The following DLC1 variants were observed in gnomAD, a reference collection of about 807,000 sequenced individuals.
DLC1 encodes DLC1 Rho GTPase activating protein.
DLC1 carries 54 observed loss-of-function variants against 140.3 expected under a neutral mutation model. That is an observed-to-expected ratio of 0.38 (90% CI 0.31 to 0.48). The LOEUF (loss-of-function observed/expected upper bound fraction) is 0.48, where lower values mean the gene tolerates loss of function less well. Among genes scored for constraint, DLC1 ranks in the 20% least tolerant of loss-of-function variants. The probability of loss-of-function intolerance (pLI) is 0.96; values close to 1 mark genes in which losing one functional copy is unlikely to be tolerated. For missense variants in DLC1, 2,536 were observed against 1,907.0 expected, an observed-to-expected ratio of 1.33 and a Z score of -6.14; for synonymous variants, 986 against 728.1, an observed-to-expected ratio of 1.35 and a Z score of -5.70.
At chr8:13,306,604 C>G (rs531078961) in intron 4 of DLC1, among the ~76,000 whole-genome samples, 1 of 151,176 alleles carries the variant, frequency 6.6e-6, no homozygotes, top group African/African-American at 2.4e-5. Flanking sequence ...GAGAGAGAGG[C>G]CCAAGTGCAG....
chr8:13,584,575 T>C (rs1186621079), intron 1 of DLC1: 1 of 152,282 alleles, frequency 6.6e-6, no homozygotes, highest in Non-Finnish European at 1.5e-5. Context: ...TAAAAACACA[T>C]TGCAAAACAG....
In DLC1 at chr8:13,399,047, C is replaced by G. The variant is rs1299805054; in HGVS notation, c.1173+2423G>C. On this transcript the variant is annotated intron_variant, in intron 3 of 17. Coordinates refer to ENST00000276297, the MANE Select transcript of DLC1 (RefSeq NM_182643.3). ...GAGACCAAAAGATACTGCAGAACAG[C>G]AGGGGAGGCCCAATCAAAGGTGGTA... 2.6e-5 allele frequency among the ~76,000 whole-genome samples: 4 copies of G among 152,242 alleles called. No homozygotes were observed. In the East Asian group the frequency reaches 5.8e-4, roughly 22 times the overall value.
At chr8:13,217,448 G>A (rs1422654405) in intron 5 of DLC1, among the ~76,000 whole-genome samples, 2 of 152,086 alleles carry the variant, frequency 1.3e-5, no homozygotes, top group East Asian at 3.9e-4. Context: ...CCACTCAATA[G>A]CCATGTTATG....
At chr8:13,400,993 G>C (rs1218606183) in intron 3 of DLC1, among the ~76,000 whole-genome samples, 1 of 152,102 alleles carries the variant, frequency 6.6e-6, no homozygotes, top group Non-Finnish European at 1.5e-5. Flanking sequence ...GTTTTCCCAA[G>C]TTAATCTCAT....
At chr8:13,498,450 T>C (rs1801615655) in intron 2 of DLC1, among the ~76,000 whole-genome samples, 1 of 152,162 alleles carries the variant, frequency 6.6e-6, no homozygotes, top group South Asian at 2.1e-4. Context: ...TGGTTGACAG[T>C]TAAGTAACAG....
At chr8:13,402,033 A>C (rs987884816) in intron 2 of DLC1, among the ~76,000 whole-genome samples, 1 of 152,132 alleles carries the variant, frequency 6.6e-6, no homozygotes, top group African/African-American at 2.4e-5. Context: ...ATATTTTTGG[A>C]AGACTCTTTT....
At chr8:13,160,774 G>T (rs951061957) in intron 5 of DLC1, among the ~76,000 whole-genome samples, 3 of 152,166 alleles carry the variant, frequency 2.0e-5, no homozygotes, top group South Asian at 2.1e-4. Context: ...GAAAGAGGGG[G>T]TGGGGATCAG....
chr8:13,545,645 C>G (rs1361122045), intron 1 of DLC1, among the ~76,000 whole-genome samples: 1 of 151,830 alleles, frequency 6.6e-6, no homozygotes, highest in Non-Finnish European at 1.5e-5. Context: ...GAACATTTAG[C>G]CAGATGATGA....
intron 5 of DLC1, among the ~76,000 whole-genome samples, chr8:13,206,963 A>G (rs927502224): frequency 6.6e-6 from 1 of 152,172 alleles, no homozygotes; most frequent in Non-Finnish European, 1.5e-5. Context: ...TAAACATTAC[A>G]TAATTTGTTT....
At chr8:13,265,531 C>G (rs1476284962) in intron 5 of DLC1, among the ~76,000 whole-genome samples, 1 of 152,154 alleles carries the variant, frequency 6.6e-6, no homozygotes, top group Non-Finnish European at 1.5e-5. Context: ...AGAATGAGAG[C>G]TCGGAATGTG....
chr8:13,400,643 A>G (rs1837252880), intron 3 of DLC1, among the ~76,000 whole-genome samples: 1 of 152,176 alleles, frequency 6.6e-6, no homozygotes, highest in Admixed American at 6.6e-5. Context: ...TAGGTGCTCA[A>G]ATTTATATAT....
At chr8:13,524,034 G>C (rs1290734661) in intron 1 of DLC1, among the ~76,000 whole-genome samples, 1 of 151,416 alleles carries the variant, frequency 6.6e-6, no homozygotes, top group Non-Finnish European at 1.5e-5. Flanking sequence ...GAAAATGTCA[G>C]TGGATATTAG....
At chr8:13,293,946 C>CA (rs1831853469) in intron 5 of DLC1, among the ~76,000 whole-genome samples, 1 of 151,994 alleles carries the variant, frequency 6.6e-6, no homozygotes, top group African/African-American at 2.4e-5. Context: ...GTTCTGTAGC[C>CA]AAAAAGGGTA....
intron 5 of DLC1, among the ~76,000 whole-genome samples, chr8:13,159,777 G>C (rs1261727636): frequency 6.6e-6 from 1 of 151,772 alleles, no homozygotes; most frequent in Non-Finnish European, 1.5e-5. Flanking sequence ...TTCTTCCAGG[G>C]AGTGTGTGAA....
chr8:13,383,810 G>T (rs1160644595), intron 4 of DLC1, among the ~76,000 whole-genome samples: 1 of 152,164 alleles, frequency 6.6e-6, no homozygotes, highest in Non-Finnish European at 1.5e-5. Flanking sequence ...CAATATTTCA[G>T]CCACACGAAT....
At chr8:13,231,705 G>C (rs1185132187) in intron 5 of DLC1, among the ~76,000 whole-genome samples, 1 of 152,170 alleles carries the variant, frequency 6.6e-6, no homozygotes, top group Non-Finnish European at 1.5e-5. Context: ...TGAGATATTT[G>C]TCTAAAGTCA....
chr8:13,479,933 G>T (rs1395441390), intron 2 of DLC1, among the ~76,000 whole-genome samples: 1 of 150,868 alleles, frequency 6.6e-6, no homozygotes, highest in Admixed American at 6.6e-5. Context: ...CTGTGTGGTG[G>T]CGTGTGTCTG....
chr8:13,094,995 C>T (rs747764736), intron 11 of DLC1, 38 bp from the exon 12 acceptor site: 6 of 1,613,958 alleles, frequency 3.7e-6, no homozygotes, highest in Admixed American at 3.3e-5. Context: ...GGTACATTCA[C>T]GTGGACGCAG....
At chr8:13,195,999 A>C (rs907295961) in intron 5 of DLC1, among the ~76,000 whole-genome samples, 2 of 152,192 alleles carry the variant, frequency 1.3e-5, no homozygotes, top group African/African-American at 4.8e-5. Context: ...TGTAAGAATG[A>C]AGGATCATTC....
Sources: allele counts gnomAD v4.1 joint callset (sites outside exome capture counted in the v4.1 genomes callset), GRCh38; gene constraint gnomAD v4.1.1; transcripts MANE v1.5; gene names NCBI Gene and HGNC (gene_info 2026-07-23, HGNC 2026-07-21).